Variants in MYO3A observed in about 807,000 individuals in gnomAD.
MYO3A encodes the protein myosin IIIA, also known as myosin-IIIa.
A neutral mutation model predicts 192.7 loss-of-function variants in MYO3A; 180 were observed. The observed-to-expected ratio is 0.93, with a 90% CI of 0.83 to 1.06. MYO3A has a LOEUF of 1.06. MYO3A is among the 50% of genes least tolerant of loss of function. The pLI, the probability that MYO3A is intolerant of heterozygous loss-of-function variation, is 0.00. For synonymous variants in MYO3A, 628 were observed against 645.3 expected (o/e 0.97, Z 0.41); for missense variants, 1,896 against 1,905.0 (o/e 1.00, Z 0.09).
At chr10:26,203,242 G>A in intron 34 of MYO3A, 135 bp downstream of exon 34, 5 of 1,019,390 alleles carry the variant, frequency 4.9e-6, no homozygotes, top group Non-Finnish European at 7.3e-6. Context: ...GTGATATGGT[G>A]TTTAAAAGTA....
chr10:26,038,175 G>T (rs1043978697), intron 10 of MYO3A, among the ~76,000 whole-genome samples: 9 of 151,704 alleles, frequency 5.9e-5, no homozygotes, highest in Non-Finnish European at 1.3e-4. Context: ...TGATGGCTTT[G>T]GCTATTCTGG....
intron 6 of MYO3A, among the ~76,000 whole-genome samples, chr10:26,009,280 T>A (rs1841460062): frequency 6.6e-6 from 1 of 152,108 alleles, no homozygotes; most frequent in Admixed American, 6.6e-5. Context: ...TAATGCTAAA[T>A]GATGAGTTAA....
chr10:26,068,864 C>A lies in MYO3A; in HGVS notation c.1150C>A (p.Leu384Met). 6.3e-7 allele frequency: 1 copy of A among 1,587,646 alleles called. No individual in the cohort carries two copies. Among genetic ancestry groups the A allele is most frequent in the South Asian group, 1.1e-5 (1 of 90,574 alleles). The change falls in exon 12 of 35, where the codon CTG (leucine) becomes ATG (methionine). Residue 384 changes from leucine to methionine, a missense_variant. Coordinates refer to ENST00000642920, the MANE Select transcript of MYO3A (RefSeq NM_017433.5). ...CATTGCTCTTAACCCTTTTCAGAGTCTGGGTCTTTACTCCACAAAGGTATG... is the reference window on the plus strand; with the variant it reads ...CATTGCTCTTAACCCTTTTCAGAGTATGGGTCTTTACTCCACAAAGGTATG... ...ILIALNPFQS[L>M]GLYSTKHSKL... is the part of the protein sequence containing the mutation.
At chr10:26,088,487 C>T in intron 15 of MYO3A, 82 bp downstream of exon 15, 1 of 1,347,974 alleles carries the variant, frequency 7.4e-7, no homozygotes, top group South Asian at 1.2e-5. Flanking sequence ...CTTTCTCATT[C>T]AATAAAATTT....
At chr10:26,132,867 G>A (rs753029238) in intron 20 of MYO3A, among the ~76,000 whole-genome samples, 4 of 152,120 alleles carry the variant, frequency 2.6e-5, no homozygotes, top group Non-Finnish European at 4.4e-5. Context: ...AAAGTAATGT[G>A]TATGACTCTC....
chr10:26,072,481 G>T (rs1335577902), intron 14 of MYO3A, among the ~76,000 whole-genome samples: 1 of 152,154 alleles, frequency 6.6e-6, no homozygotes, highest in African/African-American at 2.4e-5. Context: ...GGGAAGACAT[G>T]TAAGAATGTG....
chr10:26,019,558 C>T (rs947421878), intron 7 of MYO3A, among the ~76,000 whole-genome samples: 2 of 152,162 alleles, frequency 1.3e-5, no homozygotes, highest in East Asian at 1.9e-4. Flanking sequence ...CCTTGTGATC[C>T]GCCTGTCTTG....
intron 2 of MYO3A, among the ~76,000 whole-genome samples, chr10:25,942,689 A>G (rs773813848): frequency 6.6e-6 from 1 of 151,946 alleles, no homozygotes; most frequent in Non-Finnish European, 1.5e-5. Flanking sequence ...GCATTTTCCT[A>G]ATTATTAGGA....
chr10:26,084,219 T>C (rs1403206360), intron 14 of MYO3A, among the ~76,000 whole-genome samples: 1 of 152,264 alleles, frequency 6.6e-6, no homozygotes, highest in African/African-American at 2.4e-5. Context: ...TAATCTTTGA[T>C]TCTGTTAATA....
At chr10:26,172,421 CAT>C (rs1220645599) in intron 29 of MYO3A, among the ~76,000 whole-genome samples, 1 of 152,218 alleles carries the variant, frequency 6.6e-6, no homozygotes, top group Non-Finnish European at 1.5e-5. Context: ...CATCATTGCA[CAT>C]GTTCCCCAGC....
intron 3 of MYO3A, 40 bp downstream of exon 3, chr10:25,952,318 T>A: frequency 6.3e-7 from 1 of 1,576,338 alleles, no homozygotes; most frequent in Non-Finnish European, 8.7e-7. Context: ...TTTATTTTTA[T>A]CTGTATGAAA....
rs56269303 is a variant in MYO3A, at chr10:26,193,242, C to G, written c.4476C>G (p.Pro1492=). 3.5e-5 allele frequency: 57 copies of G among 1,613,674 alleles called. No individual in the cohort carries two copies. The African/African-American group carries it at 7.2e-4, about 20-fold the overall frequency. ...CKGEEPKILR[P]PRRPRKPKTL... ...GAGAGGAGCCAAAAATATTGAGACCCCCAAGACGACCCCGGAAACCCAAAA... is the reference window on the plus strand; with the variant it reads ...GAGAGGAGCCAAAAATATTGAGACCGCCAAGACGACCCCGGAAACCCAAAA... Residue 1492 remains proline, a synonymous_variant, in exon 32 of 35, where the codon CCC becomes CCG. Coordinates refer to ENST00000642920, the MANE Select transcript of MYO3A (RefSeq NM_017433.5).
chr10:26,003,683 A>G (rs867238285), intron 6 of MYO3A, among the ~76,000 whole-genome samples: 1 of 152,156 alleles, frequency 6.6e-6, no homozygotes, highest in Non-Finnish European at 1.5e-5. Flanking sequence ...AAAAAAAACA[A>G]TCTTTATCTT....
At chr10:26,197,371 A>G (rs1220005746) in intron 32 of MYO3A, among the ~76,000 whole-genome samples, 2 of 152,202 alleles carry the variant, frequency 1.3e-5, no homozygotes, top group Non-Finnish European at 2.9e-5. Flanking sequence ...AAAAGTTTCA[A>G]ACTTTAAGAC....
At chr10:25,972,400 C>T (rs1261092969) in intron 4 of MYO3A, among the ~76,000 whole-genome samples, 10 of 151,978 alleles carry the variant, frequency 6.6e-5, no homozygotes, top group Non-Finnish European at 1.2e-4. Flanking sequence ...TATATCTTTG[C>T]TTTGGAATAT....
intron 32 of MYO3A, among the ~76,000 whole-genome samples, chr10:26,198,965 T>C (rs1055352818): frequency 6.6e-5 from 10 of 152,206 alleles, no homozygotes; most frequent in Non-Finnish European, 1.0e-4. Context: ...AAGTCCCCAC[T>C]ATAAAGTCCG....
intron 17 of MYO3A, among the ~76,000 whole-genome samples, chr10:26,101,115 T>C (rs1462165518): frequency 6.6e-6 from 1 of 152,260 alleles, no homozygotes; most frequent in Non-Finnish European, 1.5e-5. Flanking sequence ...GATAGTTAGC[T>C]CTTCTTATTG....
At chr10:26,014,999 T>C (rs1387149993) in intron 6 of MYO3A, among the ~76,000 whole-genome samples, 2 of 152,110 alleles carry the variant, frequency 1.3e-5, no homozygotes, top group African/African-American at 4.8e-5. Context: ...TCCCTAGAAA[T>C]AGCACTTATG....
At chr10:26,167,658 A>G (rs1334197917) in intron 27 of MYO3A, among the ~76,000 whole-genome samples, 1 of 152,260 alleles carries the variant, frequency 6.6e-6, no homozygotes, top group Non-Finnish European at 1.5e-5. Context: ...GCAAAAAGAA[A>G]TGATGACCTT....
Sources: gnomAD v4.1 joint callset for allele counts (sites outside exome capture counted in the v4.1 genomes callset) on GRCh38, gnomAD v4.1.1 for gene constraint, MANE v1.5 for transcripts, NCBI Gene and HGNC (gene_info 2026-07-23, HGNC 2026-07-21) for gene names.